FASTKD1: variants seen among roughly 807,000 people sequenced by gnomAD.
FASTKD1 encodes FAST kinase domains 1.
FASTKD1 carries 94 observed loss-of-function variants against 90.9 expected under a neutral mutation model. The observed-to-expected ratio is 1.03, with a 90% CI of 0.88 to 1.23. FASTKD1 has a LOEUF of 1.23. Ranked by LOEUF, FASTKD1 falls within the 50% of genes most tolerant of loss-of-function variation. FASTKD1 has a pLI of 0.00. For missense variants in FASTKD1, 945 were observed against 993.5 expected (o/e 0.95, Z 0.66); for synonymous variants, 319 against 345.8 (o/e 0.92, Z 0.86).
chr2:169,544,985 GC>G (rs1419455080), intron 8 of FASTKD1, 150 bp from the exon 9 acceptor site: 2 of 540,132 alleles, frequency 3.7e-6, no homozygotes, highest in African/African-American at 3.9e-5. Context: ...TTTCCATCCT[GC>G]TATAATTTAT....
chr2:169,552,812 G>A (rs912087214), intron 7 of FASTKD1, among the ~76,000 whole-genome samples: 4 of 152,084 alleles, frequency 2.6e-5, no homozygotes, highest in African/African-American at 7.2e-5. Flanking sequence ...CATTACTCAG[G>A]TGACAGGTGC....
chr2:169,562,005 A>AATTTATTGTAAATTAATTATTTG (rs1683692216), intron 4 of FASTKD1, among the ~76,000 whole-genome samples: 1 of 102,374 alleles, frequency 9.8e-6, no homozygotes, highest in Non-Finnish European at 2.0e-5. Flanking sequence ...TTAATTATTC[A>AATTTATTGTAAATTAATTATTTG]TTAATTTATT....
intron 3 of FASTKD1, among the ~76,000 whole-genome samples, chr2:169,566,347 G>A (rs1208156320): frequency 6.6e-6 from 1 of 152,188 alleles, no homozygotes; most frequent in African/African-American, 2.4e-5. Flanking sequence ...GACTGGCTAT[G>A]TGTTGACAAT....
At chr2:169,560,877 C>CTG in intron 4 of FASTKD1, 92 bp from the exon 5 acceptor site, 1 of 1,038,782 alleles carries the variant, frequency 9.6e-7, no homozygotes, top group Non-Finnish European at 1.3e-6. Context: ...GAAACAGAGT[C>CTG]TTGCTATGTT....
In FASTKD1 at chr2:169,546,328, TA is replaced by T; in HGVS notation, c.1590del (p.Asp530GlufsTer5). 6.2e-7 allele frequency: 1 copy of T among 1,614,064 alleles called. No homozygotes were observed. The highest frequency in any genetic ancestry group is 8.5e-7 in the Non-Finnish European group (1 of 1,179,968). On this transcript the variant is annotated frameshift_variant, in exon 8 of 15. Transcript: ENST00000453153. LOFTEE classifies it high-confidence loss of function. ...ATCTCCCCAACATTTATGTAATTAA[TA>T]TCATCCATGAAATGCTGTAAAGTAG... Reference protein sequence around the residue: ...MIATLQHFMDDINYINVGEIA... With the variant: ...MIATLQHFMDXINYINVGEIA...
Position 169,542,295 on chromosome 2 carries a change from G to A in FASTKD1, c.1817-2116C>T, listed in dbSNP as rs116837216. On this transcript the variant is annotated intron_variant, in intron 9 of 14. Coordinates refer to ENST00000453153, the MANE Select transcript of FASTKD1 (RefSeq NM_024622.6). ...AGTAAGTACATGGAAAGTGTTGACT[G>A]AAAAGGAACGGTTACTGAGCATTTC... 8.4e-3 allele frequency among the ~76,000 whole-genome samples: 1,277 copies of A among 152,280 alleles called. 25 individuals are homozygous for A. The highest frequency in any genetic ancestry group is 0.029 in the African/African-American group (1,202 of 41,554).
chr2:169,544,739 G>T lies in FASTKD1; in HGVS notation c.1798C>A (p.His600Asn). 1 of 1,595,556 alleles carries T rather than the reference G, an allele frequency of 6.3e-7. No individual in the cohort carries two copies. The highest frequency in any genetic ancestry group is 8.6e-7 in the Non-Finnish European group (1 of 1,163,552). ...TACCTACCTAAGTAAGAATTAAGAT[G>T]TTGCACGCAAGTTCCCAAAAATTCA... is the stretch of plus-strand genomic sequence containing the variant. The part of the protein sequence containing the change: ...RDEFLGTCVQ[H>N]LNSYLGILDP... The change falls in exon 9 of 15, where the codon CAT becomes AAT. Residue 600 changes from histidine (H) to asparagine (N), a missense_variant. Coordinates refer to ENST00000453153, the MANE Select transcript of FASTKD1 (RefSeq NM_024622.6).
rs1240870134 is a variant in FASTKD1 at position 169,548,176 on chromosome 2, A to AATG, written c.1215-1475_1215-1473dup. 2.0e-5 allele frequency among the ~76,000 whole-genome samples: 3 copies of AATG among 152,026 alleles called. No homozygotes were observed. The East Asian group carries it at 5.8e-4, about 29-fold the overall frequency. On this transcript the variant is annotated intron_variant, in intron 7 of 14. Transcript: ENST00000453153. ...GGAAACAAAAGGTCCATGTCAGAAC[A>AATG]ATGTTTCCAGTGCTGTCGCTGAAGA...
intron 9 of FASTKD1, among the ~76,000 whole-genome samples, chr2:169,541,186 CATTA>C (rs1205095753): frequency 6.6e-6 from 1 of 152,118 alleles, no homozygotes; most frequent in Non-Finnish European, 1.5e-5. Context: ...ATTATTACTC[CATTA>C]GTTATTTAAA....
chr2:169,558,063 T>C (rs1683409444), intron 5 of FASTKD1, among the ~76,000 whole-genome samples: 2 of 152,324 alleles, frequency 1.3e-5, no homozygotes, highest in South Asian at 4.1e-4. Flanking sequence ...GCACTATCCA[T>C]ATCACTAATT....
In FASTKD1 at chr2:169,544,843, A is replaced by C; in HGVS notation, c.1702-8T>G. 6.8e-7 allele frequency: 1 copy of C among 1,472,796 alleles called. No homozygotes were observed. Among genetic ancestry groups the C allele is most frequent in the Non-Finnish European group, 9.3e-7 (1 of 1,072,124 alleles). The allele number at this position is 1,472,796 out of a possible 1,614,324, so 91.2% of individuals were successfully genotyped here. On this transcript the variant is annotated splice_region_variant and splice_polypyrimidine_tract_variant and intron_variant, in intron 8 of 14. Transcript: ENST00000453153. ...GATTGTAAAAGGATGGATCTGTATAAAAAGAACAAAAAATTTATAGTTTAA... is the reference window on the plus strand; with the variant it reads ...GATTGTAAAAGGATGGATCTGTATACAAAGAACAAAAAATTTATAGTTTAA...
chr2:169,558,344 G>A (rs1329218050), intron 5 of FASTKD1, among the ~76,000 whole-genome samples: 3 of 151,984 alleles, frequency 2.0e-5, no homozygotes, highest in Admixed American at 6.6e-5. Flanking sequence ...TGCAACCTCC[G>A]CCTCCCAGGT....
At chr2:169,561,360 A>T (rs1439297461) in intron 4 of FASTKD1, among the ~76,000 whole-genome samples, 1 of 151,964 alleles carries the variant, frequency 6.6e-6, no homozygotes. Context: ...TAATTTTACC[A>T]AAGTGCTAAT....
At chr2:169,563,142 C>G (rs35894297) in intron 4 of FASTKD1, 83 bp downstream of exon 4, 208,667 of 1,359,310 alleles carry the variant, frequency 0.15, 17,871 homozygotes, top group Non-Finnish European at 0.17. Context: ...GTCACATAAA[C>G]TAAGAGTAGC....
chr2:169,538,547 A>G (rs1684828281), intron 10 of FASTKD1, among the ~76,000 whole-genome samples: 1 of 151,888 alleles, frequency 6.6e-6, no homozygotes, highest in South Asian at 2.1e-4. Flanking sequence ...ATGGTGGTGC[A>G]TGCCTGTAAT....
chr2:169,547,702 A>C (rs1685264949), intron 7 of FASTKD1, among the ~76,000 whole-genome samples: 1 of 151,856 alleles, frequency 6.6e-6, no homozygotes, highest in Non-Finnish European at 1.5e-5. Context: ...ACATGGTGAA[A>C]CGCTGTCTCT....
chr2:169,563,105 A>T (rs551781446), intron 4 of FASTKD1, 120 bp downstream of exon 4: 6 of 929,470 alleles, frequency 6.5e-6, no homozygotes, highest in Non-Finnish European at 9.7e-6. Context: ...GAGGATAACG[A>T]ACTTCCAAGA....
At chr2:169,549,613 T>C (rs1011269833) in intron 7 of FASTKD1, among the ~76,000 whole-genome samples, 8 of 151,768 alleles carry the variant, frequency 5.3e-5, no homozygotes, top group Admixed American at 2.0e-4. Flanking sequence ...TATAGGTACA[T>C]GCCACCACGC....
chr2:169,568,653 A>G lies in FASTKD1; in HGVS notation c.446+531T>C, dbSNP rs867558606. On this transcript the variant is annotated intron_variant, in intron 3 of 14. Transcript: ENST00000453153. ...TAAAAAAAAAAAAAAAAAAAAAAAAAAAAGAGAGACAGAAAAAGAGAGAAG... is the reference window on the plus strand; with the variant it reads ...TAAAAAAAAAAAAAAAAAAAAAAAAGAAAGAGAGACAGAAAAAGAGAGAAG... 3.8e-3 allele frequency among the ~76,000 whole-genome samples: 545 copies of G among 142,716 alleles called. 10 individuals are homozygous for G. Among genetic ancestry groups the G allele is most frequent in the African/African-American group, 0.014 (524 of 37,250 alleles). 93.6% of individuals were successfully genotyped at this position (142,716 alleles called of 152,430 possible). A position where few individuals can be genotyped will look rare whatever the true frequency, so the allele number is the denominator to read the frequency against.
Sources: gnomAD v4.1 joint callset for allele counts (sites outside exome capture counted in the v4.1 genomes callset) on GRCh38, gnomAD v4.1.1 for gene constraint, MANE v1.5 for transcripts, NCBI Gene and HGNC (gene_info 2026-07-23, HGNC 2026-07-21) for gene names.